Variants in CMTM4 observed in about 807,000 individuals in gnomAD.
CMTM4 encodes the protein CKLF-like MARVEL transmembrane domain-containing protein 4.
Under a neutral mutation model 19.0 loss-of-function variants are expected in CMTM4, and 8 were observed. The ratio of observed to expected loss-of-function variants is 0.42; its 90% CI spans 0.25 to 0.76. The LOEUF is 0.76. CMTM4 is among the 30% of genes least tolerant of loss of function. CMTM4 has a pLI of 0.27. For missense variants in CMTM4, 228 were observed against 290.2 expected (o/e 0.79, Z 1.56); for synonymous variants, 106 against 121.1 (o/e 0.88, Z 0.82).
At chr16:66,687,942 CT>C (rs1266233543) in intron 1 of CMTM4, among the ~76,000 whole-genome samples, 1 of 152,118 alleles carries the variant, frequency 6.6e-6, no homozygotes, top group Non-Finnish European at 1.5e-5. Context: ...CCGCCTCGGC[CT>C]CCCAGAGTGC....
rs897950562 is a variant in CMTM4, at chr16:66,620,112, G to A, written c.*1946C>T. 3 of 985,268 alleles carry A rather than the reference G, an allele frequency of 3.0e-6. No homozygotes were observed. Among genetic ancestry groups the A allele is most frequent in the African/African-American group, 3.5e-5 (2 of 57,214 alleles). The allele number at this position is 985,268 out of a possible 1,614,324, so 61.0% of individuals were successfully genotyped here. On this transcript the variant is annotated 3_prime_UTR_variant, in exon 4 of 4. Coordinates refer to ENST00000394106, the MANE Select transcript of CMTM4 (RefSeq NM_181521.3). ...CACTTCAAAGATGGCCTTTTTTGGGGGCCAAGTAACATGATTCCCAGCAGG... is the reference window on the plus strand; with the variant it reads ...CACTTCAAAGATGGCCTTTTTTGGGAGCCAAGTAACATGATTCCCAGCAGG...
At chr16:66,654,922 T>C (rs1490688344) in intron 1 of CMTM4, among the ~76,000 whole-genome samples, 1 of 152,168 alleles carries the variant, frequency 6.6e-6, no homozygotes, top group Non-Finnish European at 1.5e-5. Context: ...ATATTTCCTG[T>C]CTTCACCAAG....
chr16:66,617,457 T>G lies in CMTM4; in HGVS notation c.*4601A>C. On this transcript the variant is annotated 3_prime_UTR_variant, in exon 4 of 4. Coordinates refer to ENST00000394106, the MANE Select transcript of CMTM4 (RefSeq NM_181521.3). Reference sequence around the variant, plus strand: ...GAAGGGAAAATACAATAGGACCCACTCCGCTTCAAGCTAAAGAGTGTACAA... The same window carrying G: ...GAAGGGAAAATACAATAGGACCCACGCCGCTTCAAGCTAAAGAGTGTACAA... 2 of 1,505,772 alleles carry G rather than the reference T, an allele frequency of 1.3e-6. No individual in the cohort carries two copies. Among genetic ancestry groups the G allele is most frequent in the Non-Finnish European group, 1.8e-6 (2 of 1,129,444 alleles). 93.3% of individuals were successfully genotyped at this position (1,505,772 alleles called of 1,614,324 possible).
chr16:66,694,648 G>A (rs1251757224), intron 1 of CMTM4, among the ~76,000 whole-genome samples: 1 of 150,618 alleles, frequency 6.6e-6, no homozygotes, highest in Non-Finnish European at 1.5e-5. Context: ...GGGAGGCAGA[G>A]GTGGCAGTGA....
chr16:66,665,178 C>T (rs1293598973), intron 1 of CMTM4, among the ~76,000 whole-genome samples: 1 of 147,640 alleles, frequency 6.8e-6, no homozygotes, highest in Non-Finnish European at 1.5e-5. Context: ...GAACTCCTGA[C>T]CTCAAGCAAT....
intron 1 of CMTM4, among the ~76,000 whole-genome samples, chr16:66,651,124 G>A (rs549598693): frequency 6.6e-6 from 1 of 152,286 alleles, no homozygotes; most frequent in Middle Eastern, 3.4e-3. Context: ...GAATCCAGAG[G>A]GGGCAGCAGA....
At position 66,696,674 on chromosome 16, in the gene CMTM4, C is replaced by T. The variant is rs1427893547; in HGVS notation, c.-149G>A. 1 of 253,750 alleles carries T rather than the reference C, an allele frequency of 3.9e-6. No individual in the cohort carries two copies. Among genetic ancestry groups the T allele is most frequent in the East Asian group, 1.8e-4 (1 of 5,564 alleles). 15.7% of individuals were successfully genotyped at this position (253,750 alleles called of 1,614,324 possible). A position where few individuals can be genotyped will look rare whatever the true frequency, so the allele number is the denominator to read the frequency against. On this transcript the variant is annotated 5_prime_UTR_variant, in exon 1 of 4. Transcript: ENST00000394106. The surrounding 1 kb of genome is among the most constrained non-coding windows in gnomAD (Gnocchi z 4.3). The stretch of plus-strand genomic sequence containing the variant: ...CCCGCCCGCCGCCGCCGCCTCTCGC[C>T]CGCCGCCCGGCTGCGGCTGCGGCTC...
chr16:66,612,075 G>A (rs2015395720), downstream of CMTM4, among the ~76,000 whole-genome samples: 1 of 152,156 alleles, frequency 6.6e-6, no homozygotes, highest in East Asian at 1.9e-4. This position sits in a 1 kb window ranked among gnomAD's most constrained non-coding sequence, Gnocchi z 6.0. Flanking sequence ...CAGTCTTGGG[G>A]TGGAAACACC....
chr16:66,630,736 TTGCAGCCTC>T (rs1287384344), intron 2 of CMTM4, among the ~76,000 whole-genome samples: 19 of 152,120 alleles, frequency 1.2e-4, no homozygotes, highest in Middle Eastern at 3.4e-3. Context: ...AGTGCTGAGA[TTGCAGCCTC>T]TGCCCGGCCG....
the CMTM4 span, among the ~76,000 whole-genome samples, chr16:66,598,473 G>T: frequency 6.6e-6 from 1 of 152,170 alleles, no homozygotes; most frequent in Non-Finnish European, 1.5e-5. Context: ...TGCACCCATT[G>T]TAAGTATATA....
At chr16:66,663,532 C>CTT (rs1178140315) in intron 1 of CMTM4, among the ~76,000 whole-genome samples, 589 of 55,250 alleles carry the variant, frequency 0.011, 136 homozygotes, top group East Asian at 0.031. Flanking sequence ...TTTTCATTTG[C>CTT]TTTTTTTTTT....
chr16:66,630,495 C>G lies in CMTM4; in HGVS notation c.363+5910G>C, dbSNP rs919910722. On this transcript the variant is annotated intron_variant, in intron 2 of 3. Transcript: ENST00000394106. ...CTGGGATTGCAGGCGCGCGCCGCCA[C>G]GCCTGACTGGTTTTCGTATTTTTTG... Among the ~76,000 whole-genome samples the G allele has an allele frequency of 4.6e-5, 7 of 152,010 alleles. No individual in the cohort carries two copies. The East Asian group carries it at 1.4e-3, about 30-fold the overall frequency.
Position 66,618,567 on chromosome 16 carries a change from G to C in CMTM4, c.*3491C>G. The C allele has an allele frequency of 1.0e-6, 1 of 985,354 alleles. No individual in the cohort carries two copies. 61.0% of individuals were successfully genotyped at this position (985,354 alleles called of 1,614,324 possible). Reference sequence around the variant, plus strand: ...TGAATCTACAAGAAAAGGTACGCCTGGGCCACACGCAGGACATGGCACCCA... The same window carrying C: ...TGAATCTACAAGAAAAGGTACGCCTCGGCCACACGCAGGACATGGCACCCA... On this transcript the variant is annotated 3_prime_UTR_variant, in exon 4 of 4. Coordinates refer to ENST00000394106, the MANE Select transcript of CMTM4 (RefSeq NM_181521.3).
chr16:66,606,376 T>A, the CMTM4 span, among the ~76,000 whole-genome samples: 1 of 151,960 alleles, frequency 6.6e-6, no homozygotes, highest in Non-Finnish European at 1.5e-5. Flanking sequence ...CAGAGCTGGG[T>A]CAGTCCCATG....
intron 2 of CMTM4, among the ~76,000 whole-genome samples, chr16:66,627,987 A>C (rs1454417016): frequency 2.0e-5 from 3 of 152,232 alleles, no homozygotes; most frequent in Non-Finnish European, 4.4e-5. Flanking sequence ...AGCAAAAAAA[A>C]CATGTGAGCA....
chr16:66,612,573 G>A (rs1206081533), downstream of CMTM4: 2 of 1,612,784 alleles, frequency 1.2e-6, no homozygotes, highest in South Asian at 2.2e-5. The surrounding 1 kb of genome is among the most constrained non-coding windows in gnomAD (Gnocchi z 6.0). Flanking sequence ...GCTGCCCTGA[G>A]CCTCCTGCCA....
Position 66,636,469 on chromosome 16 carries a change from A to G in CMTM4, c.299T>C (p.Val100Ala). 6.2e-7 allele frequency: 1 copy of G among 1,614,144 alleles called. No homozygotes were observed. The highest frequency in any genetic ancestry group is 2.2e-5 in the East Asian group (1 of 44,882). Residue 100 changes from valine (V) to alanine (A), a missense_variant, in exon 2 of 4, where the codon GTC becomes GCC. Transcript: ENST00000394106. ...VSCSAFVVTG[V>A]LLIMFSLNLH... The stretch of plus-strand genomic sequence containing the variant: ...GTTGAGACTGAACATAATCAGCAAG[A>G]CGCCAGTCACCACAAACGCACTGCA...
In CMTM4 at chr16:66,636,451, C is replaced by G. The variant is rs762869246; in HGVS notation, c.317G>C (p.Ser106Thr). 6.2e-7 allele frequency: 1 copy of G among 1,614,080 alleles called. No homozygotes were observed. The highest frequency in any genetic ancestry group is 2.2e-5 in the East Asian group (1 of 44,882). Residue 106 changes from serine to threonine, a missense_variant, in exon 2 of 4, where the codon AGT (serine) becomes ACT (threonine). By Grantham distance (58) the Ser-to-Thr change is moderately conservative. This residue lies in a region of CMTM4 where 200 missense variants were observed against 226.6 expected (regional missense o/e 0.88). Coordinates refer to ENST00000394106, the MANE Select transcript of CMTM4 (RefSeq NM_181521.3). The stretch of plus-strand genomic sequence containing the variant: ...GGGGATCCTCATGTGCAGGTTGAGA[C>G]TGAACATAATCAGCAAGACGCCAGT... ...VVTGVLLIMF[S>T]LNLHMRIPQI...
the CMTM4 span, chr16:66,604,741 C>T: frequency 1.4e-5 from 16 of 1,179,542 alleles, no homozygotes; most frequent in Admixed American, 1.3e-4. Flanking sequence ...CCCGGGTTTC[C>T]GCTTCCCTCC....
Sources: gnomAD v4.1 joint callset for allele counts (sites outside exome capture counted in the v4.1 genomes callset) on GRCh38, gnomAD v4.1.1 for gene constraint, gnomAD v4.1.1 regional missense constraint, Gnocchi (gnomAD v3.1) non-coding constraint, MANE v1.5 for transcripts, NCBI Gene and HGNC (gene_info 2026-07-23, HGNC 2026-07-21) for gene names.